Variants in AGBL1 observed in about 807,000 individuals in gnomAD.
AGBL1 encodes cytosolic carboxypeptidase 4.
Under a neutral mutation model 118.9 loss-of-function variants are expected in AGBL1, and 130 were observed. The ratio of observed to expected loss-of-function variants is 1.09; its 90% CI spans 0.95 to 1.26. AGBL1 has a LOEUF of 1.26. AGBL1 is among the 50% of genes most tolerant of loss of function. The probability of loss-of-function intolerance (pLI) is 0.00; values close to 1 mark genes in which losing one functional copy is unlikely to be tolerated. For synonymous variants in AGBL1, 555 were observed against 478.9 expected, an observed-to-expected ratio of 1.16 and a Z score of -2.08; for missense variants, 1,584 against 1,298.1, an observed-to-expected ratio of 1.22 and a Z score of -3.38.
intron 22 of AGBL1, among the ~76,000 whole-genome samples, chr15:86,808,028 A>G (rs1272231003): frequency 6.6e-6 from 1 of 152,138 alleles, no homozygotes; most frequent in East Asian, 1.9e-4. Flanking sequence ...TCATAATACC[A>G]ACCTTGATGA....
chr15:86,214,015 C>T (rs117603499), intron 5 of AGBL1, among the ~76,000 whole-genome samples: 1,940 of 152,166 alleles, frequency 0.013, 26 homozygotes, highest in East Asian at 0.071. Flanking sequence ...ATGAATTGCA[C>T]AATATTTGTC....
At chr15:86,348,429 C>T (rs1027165855) in intron 17 of AGBL1, among the ~76,000 whole-genome samples, 4 of 152,176 alleles carry the variant, frequency 2.6e-5, no homozygotes, top group Non-Finnish European at 5.9e-5. Context: ...GATTTTTCCT[C>T]CAGGAGACTT....
At chr15:86,507,700 A>G (rs980777208) in intron 18 of AGBL1, among the ~76,000 whole-genome samples, 1 of 152,132 alleles carries the variant, frequency 6.6e-6, no homozygotes, top group Non-Finnish European at 1.5e-5. Context: ...ATTTGGGGAA[A>G]GAGACTGCCA....
At chr15:86,607,663 A>T (rs1484578715) in intron 21 of AGBL1, among the ~76,000 whole-genome samples, 1 of 152,164 alleles carries the variant, frequency 6.6e-6, no homozygotes, top group African/African-American at 2.4e-5. Context: ...CTAATGACTT[A>T]CTATGTTGAA....
Position 86,247,902 on chromosome 15 carries a change from C to A in AGBL1, c.735+23C>A, listed in dbSNP as rs376109215. 7.4e-6 allele frequency: 12 copies of A among 1,612,422 alleles called. No individual in the cohort carries two copies. The African/African-American group carries it at 1.3e-4, about 18-fold the overall frequency. ...CAGGCAGGCAGCATGGGGATTCACT[C>A]TGCAGCTGGAGGCCAGCTGGGTGAT... is the stretch of plus-strand genomic sequence containing the variant. On this transcript the variant is annotated intron_variant, in intron 7 of 22. Coordinates refer to ENST00000614907, the MANE Select transcript of AGBL1 (RefSeq NM_001386094.1).
intron 21 of AGBL1, among the ~76,000 whole-genome samples, chr15:86,626,930 C>T (rs1455365362): frequency 6.6e-6 from 1 of 151,142 alleles, no homozygotes; most frequent in African/African-American, 2.4e-5. Flanking sequence ...CTCTGCCTCC[C>T]AGGTTCAAGC....
chr15:86,380,959 T>TGTAC (rs562289089), intron 17 of AGBL1, among the ~76,000 whole-genome samples: 2 of 152,014 alleles, frequency 1.3e-5, no homozygotes, highest in South Asian at 4.2e-4. Context: ...TGTGTGTGTG[T>TGTAC]ACCAGTCACT....
intron 17 of AGBL1, among the ~76,000 whole-genome samples, chr15:86,348,081 C>T (rs2080566199): frequency 1.3e-5 from 2 of 152,150 alleles, no homozygotes; most frequent in Non-Finnish European, 2.9e-5. Flanking sequence ...ACTTCTCTTT[C>T]ACCTCCCAGC....
chr15:86,451,704 A>G (rs1251236048), intron 18 of AGBL1, among the ~76,000 whole-genome samples: 1 of 152,134 alleles, frequency 6.6e-6, no homozygotes, highest in African/African-American at 2.4e-5. Context: ...TACCTACCAG[A>G]GACCACCTTC....
chr15:86,885,218 G>A (rs1283569672), intron 22 of AGBL1, among the ~76,000 whole-genome samples: 1 of 152,026 alleles, frequency 6.6e-6, no homozygotes, highest in Non-Finnish European at 1.5e-5. Context: ...CCAAGTTGCT[G>A]TAACATATTA....
At chr15:86,835,300 G>A (rs1306298155) in intron 22 of AGBL1, among the ~76,000 whole-genome samples, 3 of 152,086 alleles carry the variant, frequency 2.0e-5, no homozygotes, top group Admixed American at 2.0e-4. Flanking sequence ...GTATTTAATA[G>A]AAGACATGAT....
intron 6 of AGBL1, among the ~76,000 whole-genome samples, chr15:86,236,759 A>C (rs573326673): frequency 2.6e-5 from 4 of 152,082 alleles, no homozygotes; most frequent in African/African-American, 9.6e-5. Context: ...AGTGCGGCAG[A>C]AATCAGCTGG....
chr15:86,412,951 AG>A (rs1272412404), intron 18 of AGBL1, among the ~76,000 whole-genome samples: 3 of 152,202 alleles, frequency 2.0e-5, no homozygotes, highest in Non-Finnish European at 2.9e-5. Context: ...TAATGAAAAA[AG>A]TAATATTTTA....
intron 22 of AGBL1, among the ~76,000 whole-genome samples, chr15:86,806,147 G>A (rs2078711032): frequency 6.6e-6 from 1 of 152,042 alleles, no homozygotes; most frequent in South Asian, 2.1e-4. Context: ...CAGAAACTTG[G>A]AGCCAGCTCT....
At chr15:86,864,413 G>C (rs2141487167) in intron 22 of AGBL1, among the ~76,000 whole-genome samples, 1 of 152,230 alleles carries the variant, frequency 6.6e-6, no homozygotes, top group East Asian at 1.9e-4. Context: ...TTTTGCATTA[G>C]TTCATATCAC....
At chr15:86,813,003 A>T (rs1473412792) in intron 22 of AGBL1, among the ~76,000 whole-genome samples, 1 of 152,138 alleles carries the variant, frequency 6.6e-6, no homozygotes, top group Non-Finnish European at 1.5e-5. Context: ...CAGAATTTAA[A>T]GAATGAGTGA....
chr15:86,656,985 C>T (rs1334989175), intron 21 of AGBL1, among the ~76,000 whole-genome samples: 1 of 152,190 alleles, frequency 6.6e-6, no homozygotes, highest in Admixed American at 6.5e-5. Flanking sequence ...CTTTTACCTG[C>T]TCCCCAGCCC....
intron 18 of AGBL1, among the ~76,000 whole-genome samples, chr15:86,517,414 C>G (rs2083134897): frequency 6.6e-6 from 1 of 152,176 alleles, no homozygotes; most frequent in Non-Finnish European, 1.5e-5. Flanking sequence ...TTTGTGACTA[C>G]CCTTGGAGGA....
At chr15:86,464,522 T>C in intron 18 of AGBL1, among the ~76,000 whole-genome samples, 1 of 152,214 alleles carries the variant, frequency 6.6e-6, no homozygotes, top group Non-Finnish European at 1.5e-5. Context: ...TGTGCCAGTT[T>C]TCAAAGGGAA....
Sources: allele counts gnomAD v4.1 joint callset (sites outside exome capture counted in the v4.1 genomes callset), GRCh38; gene constraint gnomAD v4.1.1; transcripts MANE v1.5; gene names NCBI Gene and HGNC (gene_info 2026-07-23, HGNC 2026-07-21).